The following SRD5A2 variants were observed in gnomAD, a reference collection of about 807,000 sequenced individuals.
The protein encoded by SRD5A2 is 3-oxo-5-alpha-steroid 4-dehydrogenase 2.
SRD5A2 carries 30 observed loss-of-function variants against 27.4 expected under a neutral mutation model. That is an observed-to-expected ratio of 1.10 (90% CI 0.82 to 1.49). The LOEUF (loss-of-function observed/expected upper bound fraction) is 1.49. Among genes scored for constraint, SRD5A2 ranks in the 40% most tolerant of loss-of-function variants. The probability of loss-of-function intolerance (pLI) is 0.00; values close to 1 mark genes in which losing one functional copy is unlikely to be tolerated. For missense variants in SRD5A2, 348 were observed against 323.4 expected (o/e 1.08, Z -0.58); for synonymous variants, 141 against 133.6 (o/e 1.06, Z -0.38).
At chr2:31,567,923 G>C (rs576353051) in intron 1 of SRD5A2, among the ~76,000 whole-genome samples, 1 of 152,162 alleles carries the variant, frequency 6.6e-6, no homozygotes, top group Non-Finnish European at 1.5e-5. Flanking sequence ...GGGTGAGCCA[G>C]GCACAGAATG....
At chr2:31,628,665 G>A in the SRD5A2 span, among the ~76,000 whole-genome samples, 7 of 152,242 alleles carry the variant, frequency 4.6e-5, no homozygotes, top group South Asian at 1.2e-3. Context: ...AGGCAGGTGT[G>A]TTAAATTCCC....
chr2:31,635,647 G>C, the SRD5A2 span, among the ~76,000 whole-genome samples: 1 of 152,034 alleles, frequency 6.6e-6, no homozygotes, highest in Non-Finnish European at 1.5e-5. Flanking sequence ...CAACGTCCTA[G>C]AACATTTCTC....
Position 31,524,704 on chromosome 2 carries a change from T to C in SRD5A2, c.*1492A>G, listed in dbSNP as rs28383088. 1 of 230,956 alleles carries C rather than the reference T, an allele frequency of 4.3e-6. No individual in the cohort carries two copies. Among genetic ancestry groups the C allele is most frequent in the Non-Finnish European group, 8.6e-6 (1 of 116,644 alleles). The allele number at this position is 230,956 out of a possible 1,614,324, so 14.3% of individuals were successfully genotyped here. A position where few individuals can be genotyped will look rare whatever the true frequency, so the allele number is the denominator to read the frequency against. On this transcript the variant is annotated 3_prime_UTR_variant, in exon 5 of 5. Coordinates refer to ENST00000622030, the MANE Select transcript of SRD5A2 (RefSeq NM_000348.4). The stretch of plus-strand genomic sequence containing the variant: ...CAAGTTTCCTATGTGACTTATATAG[T>C]GAGTTTCTGTGCTTAGTACCACTGG...
the SRD5A2 span, among the ~76,000 whole-genome samples, chr2:31,605,447 G>GA: frequency 2.7e-5 from 4 of 145,922 alleles, no homozygotes; most frequent in East Asian, 3.9e-4. Flanking sequence ...AACTCTGTAG[G>GA]AAAAAAAACC....
intron 2 of SRD5A2, 77 bp downstream of exon 2, chr2:31,533,526 G>T: frequency 7.3e-7 from 1 of 1,361,428 alleles, no homozygotes; most frequent in Non-Finnish European, 1.0e-6. Context: ...ATTGCAGTAG[G>T]GAGAGGCCAT....
the SRD5A2 span, among the ~76,000 whole-genome samples, chr2:31,648,123 G>A: frequency 6.6e-6 from 1 of 152,154 alleles, no homozygotes; most frequent in Non-Finnish European, 1.5e-5. Context: ...TCACTGTGAG[G>A]CTAGTGTTTG....
At chr2:31,628,633 ACTC>A in the SRD5A2 span, among the ~76,000 whole-genome samples, 1 of 151,924 alleles carries the variant, frequency 6.6e-6, no homozygotes, top group Non-Finnish European at 1.5e-5. Flanking sequence ...CATATTTAGC[ACTC>A]CCTTCAGGAC....
the SRD5A2 span, among the ~76,000 whole-genome samples, chr2:31,587,639 A>G: frequency 6.6e-6 from 1 of 152,186 alleles, no homozygotes; most frequent in African/African-American, 2.4e-5. Context: ...CAGCAAACAA[A>G]CACAGGAACA....
the SRD5A2 span, among the ~76,000 whole-genome samples, chr2:31,622,986 C>T: frequency 6.6e-6 from 1 of 152,064 alleles, no homozygotes; most frequent in Non-Finnish European, 1.5e-5. Flanking sequence ...GCTTCAAATG[C>T]CAAATGAGTT....
chr2:31,572,549 CT>C (rs1245881812), intron 1 of SRD5A2, among the ~76,000 whole-genome samples: 6 of 152,168 alleles, frequency 3.9e-5, no homozygotes, highest in African/African-American at 1.4e-4. Context: ...TGGCAAAATA[CT>C]TCTATCCAGA....
chr2:31,556,328 G>C (rs1208967931), intron 1 of SRD5A2, among the ~76,000 whole-genome samples: 2 of 152,280 alleles, frequency 1.3e-5, no homozygotes, highest in East Asian at 3.9e-4. Flanking sequence ...ATGCCATCTT[G>C]TATAGTGGGT....
At chr2:31,617,800 T>A in the SRD5A2 span, among the ~76,000 whole-genome samples, 14 of 152,342 alleles carry the variant, frequency 9.2e-5, no homozygotes, top group East Asian at 3.9e-4. Context: ...ACTATCAGCA[T>A]TTTTGTCAAA....
chr2:31,581,666 G>A (rs1239654717), upstream of SRD5A2, among the ~76,000 whole-genome samples: 2 of 152,106 alleles, frequency 1.3e-5, no homozygotes, highest in Non-Finnish European at 2.9e-5. Flanking sequence ...CACAGATTGG[G>A]GCCAGAAGTC....
chr2:31,536,807 G>T (rs960653245), intron 1 of SRD5A2, among the ~76,000 whole-genome samples: 1 of 152,194 alleles, frequency 6.6e-6, no homozygotes, highest in Non-Finnish European at 1.5e-5. Flanking sequence ...TTCCCCTTCA[G>T]ATCCCATGCT....
chr2:31,630,663 T>C, the SRD5A2 span, among the ~76,000 whole-genome samples: 6 of 152,342 alleles, frequency 3.9e-5, no homozygotes, highest in African/African-American at 7.2e-5. Flanking sequence ...GAAACCTCAC[T>C]GTGAGCACAT....
At chr2:31,647,345 C>A in the SRD5A2 span, among the ~76,000 whole-genome samples, 1 of 152,138 alleles carries the variant, frequency 6.6e-6, no homozygotes, top group Non-Finnish European at 1.5e-5. Flanking sequence ...GATGCCCACA[C>A]TGATAGCCCA....
At chr2:31,571,011 G>GA (rs1387957013) in intron 1 of SRD5A2, among the ~76,000 whole-genome samples, 3 of 152,048 alleles carry the variant, frequency 2.0e-5, no homozygotes, top group Non-Finnish European at 2.9e-5. Flanking sequence ...CACAGAATTA[G>GA]AAAAAAACTA....
At chr2:31,553,829 T>C (rs1435218130) in intron 1 of SRD5A2, among the ~76,000 whole-genome samples, 1 of 152,192 alleles carries the variant, frequency 6.6e-6, no homozygotes. Flanking sequence ...TTGATTTCAA[T>C]GGTCTAATAT....
At chr2:31,537,975 G>C (rs112810521) in intron 1 of SRD5A2, among the ~76,000 whole-genome samples, 2 of 152,112 alleles carry the variant, frequency 1.3e-5, no homozygotes, top group African/African-American at 4.8e-5. Context: ...CTCTAGAACC[G>C]TGTGAAATAG....
Sources: allele counts gnomAD v4.1 joint callset (sites outside exome capture counted in the v4.1 genomes callset), GRCh38; gene constraint gnomAD v4.1.1; transcripts MANE v1.5; gene names NCBI Gene and HGNC (gene_info 2026-07-23, HGNC 2026-07-21).